The following DGKK variants were observed in gnomAD, a reference collection of about 807,000 sequenced individuals.
DGKK encodes the protein 142 kDa diacylglycerol kinase.
A neutral mutation model predicts 92.2 loss-of-function variants in DGKK; 35 were observed. That is an observed-to-expected ratio of 0.38 (90% CI 0.29 to 0.50). DGKK has a LOEUF of 0.50. Ranked by LOEUF, DGKK falls within the 20% of genes least tolerant of loss-of-function variation. DGKK has a pLI of 0.92. For synonymous variants in DGKK, 368 were observed against 360.6 expected, an observed-to-expected ratio of 1.02 and a Z score of -0.23; for missense variants, 910 against 992.2, an observed-to-expected ratio of 0.92 and a Z score of 1.11.
intron 14 of DGKK, 136 bp downstream of exon 14, chrX:50,387,418 C>T (rs1924573982): frequency 4.0e-6 from 2 of 497,498 alleles, no homozygotes; most frequent in Non-Finnish European, 3.4e-6. Flanking sequence ...TTAGACCTTC[C>T]TCATCAGGGA....
intron 13 of DGKK, 75 bp downstream of exon 13, chrX:50,388,452 C>A (rs1924604690): frequency 3.9e-6 from 3 of 761,395 alleles, no homozygotes; most frequent in Admixed American, 5.4e-5. Context: ...GGCCTCAACA[C>A]CCTCAGCTAT....
At position 50,376,088 on chromosome X, in the gene DGKK, T is replaced by C; in HGVS notation, c.3350A>G (p.Asn1117Ser). ...GSVNASANIL[N>S]DIFYGQDSGN... ...ACTGTCTTGGCCGTAAAATATATCATTCAGGATGTTAGCGCTGGCATTCAC... is the reference window on the plus strand; with the variant it reads ...ACTGTCTTGGCCGTAAAATATATCACTCAGGATGTTAGCGCTGGCATTCAC... The change falls in exon 24 of 28, where the codon AAT becomes AGT. Residue 1117 changes from asparagine to serine, a missense_variant. By Grantham distance (46) the Asn-to-Ser change is conservative. Coordinates refer to ENST00000611977, the MANE Select transcript of DGKK (RefSeq NM_001013742.4). 3 of 1,211,125 alleles carry C rather than the reference T, an allele frequency of 2.5e-6. No homozygotes were observed. The highest frequency in any genetic ancestry group is 3.4e-6 in the Non-Finnish European group (3 of 895,127).
In DGKK at chrX:50,403,081, A is replaced by G; in HGVS notation, c.1288T>C (p.Cys430Arg). ...CTTACCGTAGAATTACACCACAGGC[A>G]GCGGAAGTCTTGAAGTCTTTGATAA... is the stretch of plus-strand genomic sequence containing the variant. ...GSYQRLQDFR[C>R]LWCNSTVHDD... Residue 430 changes from cysteine (C) to arginine (R), a missense_variant, in exon 7 of 28, where the codon TGC (cysteine) becomes CGC (arginine). Cys to Arg is a radical substitution (Grantham distance 180, BLOSUM62 -3). Coordinates refer to ENST00000611977, the MANE Select transcript of DGKK (RefSeq NM_001013742.4). The G allele has an allele frequency of 8.3e-7, 1 of 1,209,549 alleles. No individual in the cohort carries two copies. The highest frequency in any genetic ancestry group is 1.7e-5 in the African/African-American group (1 of 57,372).
intron 1 of DGKK, among the ~76,000 whole-genome samples, chrX:50,456,538 C>G (rs782797244): frequency 1.8e-5 from 2 of 112,035 alleles, no homozygotes; most frequent in Non-Finnish European, 3.8e-5. Flanking sequence ...TTTGTTTCAA[C>G]CTGCTCTCCA....
In DGKK at chrX:50,470,721, C is replaced by T; in HGVS notation, c.-43G>A. 1 of 1,083,059 alleles carries T rather than the reference C, an allele frequency of 9.2e-7. No homozygotes were observed. The highest frequency in any genetic ancestry group is 1.2e-6 in the Non-Finnish European group (1 of 838,382). 89.3% of individuals were successfully genotyped at this position (1,083,059 alleles called of 1,213,427 possible). A position where few individuals can be genotyped will look rare whatever the true frequency, so the allele number is the denominator to read the frequency against. On this transcript the variant is annotated 5_prime_UTR_variant, in exon 1 of 28. Coordinates refer to ENST00000611977, the MANE Select transcript of DGKK (RefSeq NM_001013742.4). ...GGTCTGGGCAGCCTGAGTCCCTAAGCCTGGAAGGCTAAAGTACCCTCGGGC... is the reference window on the plus strand; with the variant it reads ...GGTCTGGGCAGCCTGAGTCCCTAAGTCTGGAAGGCTAAAGTACCCTCGGGC...
At chrX:50,424,109 G>A in intron 2 of DGKK, 139 bp downstream of exon 2, 1 of 442,968 alleles carries the variant, frequency 2.3e-6, no homozygotes, top group Non-Finnish European at 3.7e-6. Context: ...ACCCAAAAGG[G>A]CAAGTTAAAA....
intron 1 of DGKK, among the ~76,000 whole-genome samples, chrX:50,466,017 CTTTTTTTTTT>C (rs72090197): frequency 2.3e-5 from 1 of 42,793 alleles, no homozygotes; most frequent in African/African-American, 9.7e-5. Flanking sequence ...TTTCTTTTTT[CTTTTTTTTTT>C]TTTTTTTTTT....
At chrX:50,400,840 A>G (rs782200795) in intron 8 of DGKK, among the ~76,000 whole-genome samples, 197 bp downstream of exon 8, 5 of 111,349 alleles carry the variant, frequency 4.5e-5, no homozygotes, top group African/African-American at 6.6e-5. Flanking sequence ...GCCCACATAC[A>G]TATACACCAG....
chrX:50,383,967 A>T (rs1481992977), intron 17 of DGKK, among the ~76,000 whole-genome samples: 1 of 112,426 alleles, frequency 8.9e-6, no homozygotes, highest in African/African-American at 3.2e-5. Flanking sequence ...AATGTAATAA[A>T]TACAGCAAAC....
intron 4 of DGKK, among the ~76,000 whole-genome samples, chrX:50,407,558 T>A (rs1338456077): frequency 9.0e-6 from 1 of 111,224 alleles, no homozygotes; most frequent in Non-Finnish European, 1.9e-5. Flanking sequence ...CCACTAATCC[T>A]ATCAGATTAG....
chrX:50,447,379 AT>A (rs1926369205), intron 1 of DGKK, among the ~76,000 whole-genome samples: 1 of 13,655 alleles, frequency 7.3e-5, no homozygotes, highest in African/African-American at 5.6e-4. Flanking sequence ...TTATATATAT[AT>A]ATAATATATA....
In DGKK at chrX:50,399,477, G is replaced by A. The variant is rs782806097; in HGVS notation, c.1411+1560C>T. On this transcript the variant is annotated intron_variant, in intron 8 of 27. Coordinates refer to ENST00000611977, the MANE Select transcript of DGKK (RefSeq NM_001013742.4). Reference sequence around the variant, plus strand: ...CTATGTGGGGATAATTTTTAAGTCAGTGAAACGAGGGCTCACTAATCACTC... The same window carrying A: ...CTATGTGGGGATAATTTTTAAGTCAATGAAACGAGGGCTCACTAATCACTC... Among the ~76,000 whole-genome samples the A allele has an allele frequency of 3.6e-5, 4 of 112,123 alleles. No individual in the cohort carries two copies. The South Asian group carries it at 1.5e-3, about 42-fold the overall frequency.
chrX:50,425,070 T>A (rs1266083108), intron 1 of DGKK, among the ~76,000 whole-genome samples: 2 of 112,036 alleles, frequency 1.8e-5, no homozygotes, highest in East Asian at 5.6e-4. Context: ...CTCACTTAAG[T>A]TATAGGATAC....
chrX:50,393,123 C>T, intron 9 of DGKK, 29 bp downstream of exon 9: 6 of 1,146,582 alleles, frequency 5.2e-6, no homozygotes, highest in Non-Finnish European at 7.1e-6. Context: ...CCTTACATAC[C>T]CAATCATATC....
rs781827238 is a variant in DGKK at position 50,371,756 on chromosome X, T to G, written c.3580A>C (p.Ile1194Leu). Residue 1194 changes from isoleucine to leucine, a missense_variant, in exon 26 of 28, where the codon ATT becomes CTT. Physicochemically the swap from Ile to Leu is conservative, Grantham distance 5. Coordinates refer to ENST00000611977, the MANE Select transcript of DGKK (RefSeq NM_001013742.4). ...ACAAAGATTGGATTCATCCAGTCAA[T>G]CTCAGATAGCTTTTTGAACTCCTTA... Reference protein sequence around the residue: ...MNKEFKKLSEIDWMNPIFVPE... With the variant: ...MNKEFKKLSELDWMNPIFVPE... 8.3e-7 allele frequency: 1 copy of G among 1,207,197 alleles called. No homozygotes were observed. Among genetic ancestry groups the G allele is most frequent in the East Asian group, 3.0e-5 (1 of 33,737 alleles).
chrX:50,395,216 C>T (rs1924816014), intron 8 of DGKK, among the ~76,000 whole-genome samples: 1 of 111,739 alleles, frequency 8.9e-6, no homozygotes, highest in African/African-American at 3.3e-5. Context: ...GCTTGCTCCC[C>T]TACCAATGAA....
intron 1 of DGKK, among the ~76,000 whole-genome samples, chrX:50,462,946 A>C (rs1602308049): frequency 1.4e-5 from 1 of 72,827 alleles, no homozygotes; most frequent in African/African-American, 5.1e-5. Flanking sequence ...AAAGATACAT[A>C]AGGTCCCTGG....
chrX:50,416,639 T>C (rs1450114764), intron 4 of DGKK, among the ~76,000 whole-genome samples: 1 of 111,235 alleles, frequency 9.0e-6, no homozygotes, highest in Non-Finnish European at 1.9e-5. Context: ...TACAGAAGAG[T>C]GTTAGGGCCT....
At chrX:50,393,458 G>A (rs919334176) in intron 8 of DGKK, 123 bp from the exon 9 acceptor site, 39 of 538,158 alleles carry the variant, frequency 7.2e-5, no homozygotes, top group Non-Finnish European at 1.0e-4. Flanking sequence ...TTTTGAAAAT[G>A]AGGAGCAGAG....
Sources: gnomAD v4.1 joint callset for allele counts (sites outside exome capture counted in the v4.1 genomes callset) on GRCh38, gnomAD v4.1.1 for gene constraint, MANE v1.5 for transcripts, NCBI Gene and HGNC (gene_info 2026-07-23, HGNC 2026-07-21) for gene names.